Variants in MDGA2 observed in about 807,000 individuals in gnomAD.
MDGA2 encodes the protein MAM domain-containing glycosylphosphatidylinositol anchor protein 2.
Under a neutral mutation model 117.8 loss-of-function variants are expected in MDGA2, and 40 were observed. The ratio of observed to expected loss-of-function variants is 0.34; its 90% CI spans 0.26 to 0.44. The LOEUF is 0.44. Among genes scored for constraint, MDGA2 ranks in the 20% least tolerant of loss-of-function variants. MDGA2 has a pLI of 1.00. For synonymous variants in MDGA2, 452 were observed against 439.0 expected (o/e 1.03, Z -0.37); for missense variants, 1,123 against 1,250.6 (o/e 0.90, Z 1.54).
chr14:47,243,045 C>G (rs1352769879), intron 2 of MDGA2, among the ~76,000 whole-genome samples: 1 of 151,230 alleles, frequency 6.6e-6, no homozygotes, highest in Non-Finnish European at 1.5e-5. Context: ...TGAGGACGTG[C>G]AGAACCTTTA....
intron 1 of MDGA2, among the ~76,000 whole-genome samples, chr14:47,332,592 T>C (rs766133939): frequency 7.2e-5 from 11 of 152,006 alleles, no homozygotes; most frequent in Non-Finnish European, 1.5e-4. Flanking sequence ...GTTAACTCAC[T>C]GTTAATGTAA....
chr14:46,872,824 A>G (rs549672169), intron 14 of MDGA2, among the ~76,000 whole-genome samples: 4 of 151,958 alleles, frequency 2.6e-5, no homozygotes, highest in Non-Finnish European at 5.9e-5. Context: ...TACTAGGTCT[A>G]CTCTCAGTGT....
intron 3 of MDGA2, among the ~76,000 whole-genome samples, chr14:47,144,590 A>C (rs1036420397): frequency 6.6e-6 from 1 of 152,132 alleles, no homozygotes; most frequent in Non-Finnish European, 1.5e-5. Flanking sequence ...GAGCTTAGCC[A>C]AAACAATGAA....
At chr14:47,237,613 G>A (rs1045627299) in intron 2 of MDGA2, among the ~76,000 whole-genome samples, 40 of 152,178 alleles carry the variant, frequency 2.6e-4, no homozygotes, top group African/African-American at 9.4e-4. Flanking sequence ...TCTGTTCGTA[G>A]TGGATGTCGA....
chr14:47,260,549 T>G (rs1414985359), intron 2 of MDGA2, among the ~76,000 whole-genome samples: 1 of 152,108 alleles, frequency 6.6e-6, no homozygotes, highest in Non-Finnish European at 1.5e-5. Flanking sequence ...AGTGTAATTT[T>G]TAAAGGTTTA....
At chr14:47,425,432 G>A (rs1019971305) in intron 1 of MDGA2, among the ~76,000 whole-genome samples, 2 of 152,076 alleles carry the variant, frequency 1.3e-5, no homozygotes, top group Non-Finnish European at 2.9e-5. Flanking sequence ...CAAATCCCAA[G>A]AATGCTTTCT....
chr14:47,203,722 CAG>C (rs527522116), intron 3 of MDGA2, among the ~76,000 whole-genome samples: 172 of 152,100 alleles, frequency 1.1e-3, no homozygotes, highest in African/African-American at 3.7e-3. Flanking sequence ...AGACTTTTGA[CAG>C]AGTGTTAAAA....
At chr14:47,485,190 ATAAGGT>A (rs1894034633) in intron 1 of MDGA2, among the ~76,000 whole-genome samples, 2 of 152,180 alleles carry the variant, frequency 1.3e-5, no homozygotes, top group South Asian at 4.2e-4. Context: ...GATATGAACA[ATAAGGT>A]CCAGGATGAG....
At chr14:47,451,670 A>T (rs1349066761) in intron 1 of MDGA2, among the ~76,000 whole-genome samples, 2 of 152,142 alleles carry the variant, frequency 1.3e-5, no homozygotes, top group African/African-American at 2.4e-5. Flanking sequence ...ATCTTTGTTA[A>T]CTACATAGGG....
At chr14:46,930,351 TA>T in intron 9 of MDGA2, among the ~76,000 whole-genome samples, 1 of 152,240 alleles carries the variant, frequency 6.6e-6, no homozygotes, top group African/African-American at 2.4e-5. Context: ...ATATTTTTTT[TA>T]AAAGCCAAAT....
chr14:47,112,239 A>C (rs1407724740), intron 5 of MDGA2, among the ~76,000 whole-genome samples: 1 of 152,162 alleles, frequency 6.6e-6, no homozygotes, highest in African/African-American at 2.4e-5. Context: ...CTTTTTTAAA[A>C]AATGTGTTAT....
At chr14:47,190,707 TAATAA>T (rs1229683878) in intron 3 of MDGA2, among the ~76,000 whole-genome samples, 4 of 152,290 alleles carry the variant, frequency 2.6e-5, no homozygotes, top group East Asian at 1.9e-4. Context: ...TTTCCTCTCT[TAATAA>T]AATGAGTTTT....
intron 1 of MDGA2, among the ~76,000 whole-genome samples, chr14:47,672,349 C>T (rs979369040): frequency 4.6e-5 from 7 of 152,292 alleles, no homozygotes; most frequent in Admixed American, 3.9e-4. Flanking sequence ...ATCATCAGCT[C>T]AGTAGCAGAA....
At chr14:47,034,984 G>A in intron 8 of MDGA2, 27 bp downstream of exon 8, 1 of 1,582,088 alleles carries the variant, frequency 6.3e-7, no homozygotes, top group Non-Finnish European at 8.6e-7. Flanking sequence ...TCCCCATATG[G>A]AAATGCATAA....
chr14:46,873,530 G>A lies in MDGA2; in HGVS notation c.2655C>T (p.Leu885=), dbSNP rs777745894. ...PRLEGEKARL[L]SPVFSIAPKN... ...TGGGAGCTATGCTGAAAACAGGGCT[G>A]AGAAGTCGAGCCTTTTCGCCTTCCA... Residue 885 remains leucine, a synonymous_variant, in exon 14 of 17, where the codon CTC becomes CTT. Transcript: ENST00000399232. 4 of 1,612,604 alleles carry A rather than the reference G, an allele frequency of 2.5e-6. No individual in the cohort carries two copies. In the South Asian group the frequency reaches 3.3e-5, roughly 13 times the overall value.
At chr14:47,401,900 T>C (rs1277545570) in intron 1 of MDGA2, among the ~76,000 whole-genome samples, 4 of 152,082 alleles carry the variant, frequency 2.6e-5, no homozygotes, top group Admixed American at 6.6e-5. Flanking sequence ...TCTCAAGGGG[T>C]TGACAGATGA....
chr14:47,335,691 A>G (rs908682875), intron 1 of MDGA2, among the ~76,000 whole-genome samples: 31 of 141,926 alleles, frequency 2.2e-4, no homozygotes, highest in African/African-American at 7.5e-4. Flanking sequence ...TATTTGTGTC[A>G]GATTATATGT....
At chr14:46,924,051 G>A (rs1359952959) in intron 9 of MDGA2, among the ~76,000 whole-genome samples, 1 of 151,752 alleles carries the variant, frequency 6.6e-6, no homozygotes, top group East Asian at 1.9e-4. Flanking sequence ...CTTATACAAT[G>A]TTGTTCCAAT....
At chr14:46,878,188 G>C (rs188913760) in intron 11 of MDGA2, among the ~76,000 whole-genome samples, 67 of 151,950 alleles carry the variant, frequency 4.4e-4, no homozygotes, top group Non-Finnish European at 8.8e-4. Context: ...CAATACAAGT[G>C]CCAATGAATT....
Sources: gnomAD v4.1 joint callset for allele counts (sites outside exome capture counted in the v4.1 genomes callset) on GRCh38, gnomAD v4.1.1 for gene constraint, MANE v1.5 for transcripts, NCBI Gene and HGNC (gene_info 2026-07-23, HGNC 2026-07-21) for gene names.